CASP10: variants seen among roughly 807,000 people sequenced by gnomAD.
The protein encoded by CASP10 is caspase 10, also known as caspase-10.
In CASP10, 41 loss-of-function variants were observed where a neutral mutation model predicts 48.5. The ratio of observed to expected loss-of-function variants is 0.85; its 90% CI spans 0.66 to 1.10. The LOEUF (loss-of-function observed/expected upper bound fraction) is 1.10. Among genes scored for constraint, CASP10 ranks in the 50% least tolerant of loss-of-function variants. The pLI is 0.00. For synonymous variants in CASP10, 232 were observed against 238.4 expected, an observed-to-expected ratio of 0.97 and a Z score of 0.25; for missense variants, 614 against 614.5, an observed-to-expected ratio of 1.00 and a Z score of 0.01.
At chr2:201,206,840 G>C (rs1945224204) in intron 7 of CASP10, among the ~76,000 whole-genome samples, 1 of 152,016 alleles carries the variant, frequency 6.6e-6, no homozygotes, top group South Asian at 2.1e-4. Flanking sequence ...AAAAATCTTT[G>C]ATATTTATGT....
At chr2:201,187,428 CT>C (rs76064449) in intron 2 of CASP10, among the ~76,000 whole-genome samples, 107 of 145,860 alleles carry the variant, frequency 7.3e-4, no homozygotes, top group African/African-American at 8.0e-4. Context: ...TGTTTTATGC[CT>C]TTTTTTTTTT....
At chr2:201,191,293 A>G (rs1377243090) in intron 3 of CASP10, among the ~76,000 whole-genome samples, 1 of 152,172 alleles carries the variant, frequency 6.6e-6, no homozygotes, top group East Asian at 1.9e-4. Context: ...AAGGAAACGT[A>G]ACTGTGCTTA....
downstream of CASP10, among the ~76,000 whole-genome samples, chr2:201,224,903 T>C (rs1449408242): frequency 6.6e-6 from 1 of 152,224 alleles, no homozygotes; most frequent in Non-Finnish European, 1.5e-5. Flanking sequence ...TTATTTATAA[T>C]TCTATTTTGC....
chr2:201,228,832 G>A (rs1328952059), intron 9 of CASP10: 1 of 918,910 alleles, frequency 1.1e-6, no homozygotes, highest in Non-Finnish European at 1.8e-6. Flanking sequence ...AAGTACAGCT[G>A]CCCATAAAAA....
At chr2:201,186,816 A>G (rs1393113815) in intron 2 of CASP10, among the ~76,000 whole-genome samples, 1 of 152,048 alleles carries the variant, frequency 6.6e-6, no homozygotes, top group Non-Finnish European at 1.5e-5. Flanking sequence ...CCTCCTGAGT[A>G]GCTGGGACTA....
At chr2:201,211,634 G>A (rs1183052158) in intron 9 of CASP10, among the ~76,000 whole-genome samples, 1 of 152,080 alleles carries the variant, frequency 6.6e-6, no homozygotes, top group Non-Finnish European at 1.5e-5. Context: ...TGGACCCTTA[G>A]GTTGATTCCA....
rs1441626195 is a variant in CASP10, at chr2:201,217,811, A to AC, written c.*71dup. The AC allele has an allele frequency of 3.1e-6, 5 of 1,612,628 alleles. No homozygotes were observed. In the African/African-American group the frequency reaches 6.7e-5, roughly 22 times the overall value. ...TATAACCTCCAGCCTCCTGCCCAGC[A>AC]CAGGAATCGGTGGTCTCCACCTGTC... On this transcript the variant is annotated 3_prime_UTR_variant, in exon 10 of 10. Transcript: ENST00000286186.
At chr2:201,190,713 G>A (rs961934770) in intron 3 of CASP10, among the ~76,000 whole-genome samples, 1 of 152,086 alleles carries the variant, frequency 6.6e-6, no homozygotes, top group African/African-American at 2.4e-5. Flanking sequence ...CGAGAGAAAG[G>A]TCATTTGTTA....
intron 1 of CASP10, among the ~76,000 whole-genome samples, chr2:201,185,416 G>C (rs1162489747): frequency 6.6e-6 from 1 of 152,154 alleles, no homozygotes; most frequent in African/African-American, 2.4e-5. Context: ...CCACGTGCTG[G>C]AAATGAATGT....
chr2:201,191,075 TG>T (rs1421190723), intron 3 of CASP10, among the ~76,000 whole-genome samples: 3 of 152,056 alleles, frequency 2.0e-5, no homozygotes, highest in Non-Finnish European at 2.9e-5. Flanking sequence ...TTGGCCAGGC[TG>T]GTCTTGAACT....
intron 1 of CASP10, among the ~76,000 whole-genome samples, chr2:201,185,385 T>C (rs1944379999): frequency 6.6e-6 from 1 of 152,188 alleles, no homozygotes; most frequent in Non-Finnish European, 1.5e-5. Flanking sequence ...ACTTAAAGCA[T>C]AGAGCCAAGT....
At chr2:201,189,270 AT>A (rs35733718) in intron 3 of CASP10, among the ~76,000 whole-genome samples, 93,456 of 121,542 alleles carry the variant, frequency 0.77, 35,291 homozygotes, top group Non-Finnish European at 0.83. Context: ...TCTTTCAGTT[AT>A]TTTTTTTTTT....
chr2:201,187,548 A>T (rs1416914859), intron 2 of CASP10, 158 bp from the exon 3 acceptor site: 1 of 699,198 alleles, frequency 1.4e-6, no homozygotes, highest in African/African-American at 1.8e-5. Context: ...TTAGAAACTG[A>T]AAGTTTTCAT....
intron 5 of CASP10, among the ~76,000 whole-genome samples, chr2:201,201,437 A>G (rs991379468): frequency 6.6e-6 from 1 of 151,992 alleles, no homozygotes; most frequent in African/African-American, 2.4e-5. Context: ...CACTTTTTCA[A>G]CTTGTTTTGT....
intron 9 of CASP10, among the ~76,000 whole-genome samples, chr2:201,215,805 G>A (rs914305644): frequency 2.0e-5 from 3 of 151,638 alleles, no homozygotes; most frequent in African/African-American, 7.3e-5. Flanking sequence ...TAATTTTTTT[G>A]TTTGTTTTTG....
chr2:201,185,089 T>C (rs920544069), intron 1 of CASP10, among the ~76,000 whole-genome samples: 1 of 152,072 alleles, frequency 6.6e-6, no homozygotes, highest in African/African-American at 2.4e-5. Context: ...CTCCCCAGGC[T>C]CAAATGATCC....
At position 201,194,087 on chromosome 2, in the gene CASP10, T is replaced by TTGTGTGTG. The variant is rs139975621; in HGVS notation, c.577+996_577+1003dup. 4.4e-4 allele frequency among the ~76,000 whole-genome samples: 66 copies of TTGTGTGTG among 148,468 alleles called. 1 individual carries two copies. Among genetic ancestry groups the TTGTGTGTG allele is most frequent in the African/African-American group, 8.9e-4 (36 of 40,316 alleles). ...ACTATCAAAAAAGAACTTTATTTTCTTGTGTGTGTGTGTGTGTGTGTGTGT... is the reference window on the plus strand; with the variant it reads ...ACTATCAAAAAAGAACTTTATTTTCTTGTGTGTGTGTGTGTGTGTGTGTGTGTGTGTGT... On this transcript the variant is annotated intron_variant, in intron 4 of 9. Transcript: ENST00000286186.
chr2:201,227,138 G>C (rs549637699), intron 9 of CASP10, among the ~76,000 whole-genome samples: 1 of 152,262 alleles, frequency 6.6e-6, no homozygotes, highest in East Asian at 1.9e-4. Flanking sequence ...AAATGCATCA[G>C]TCATGTTTTA....
intron 2 of CASP10, 82 bp from the exon 3 acceptor site, chr2:201,187,624 A>G: frequency 1.0e-6 from 1 of 991,696 alleles, no homozygotes; most frequent in Non-Finnish European, 1.6e-6. Context: ...AATGACAGAA[A>G]ACATTTATGA....
Sources: allele counts gnomAD v4.1 joint callset (sites outside exome capture counted in the v4.1 genomes callset), GRCh38; gene constraint gnomAD v4.1.1; transcripts MANE v1.5; gene names NCBI Gene and HGNC (gene_info 2026-07-23, HGNC 2026-07-21).